COL22A1: variants seen among roughly 807,000 people sequenced by gnomAD.
COL22A1 encodes the protein collagen alpha-1(XXII) chain.
A neutral mutation model predicts 248.9 loss-of-function variants in COL22A1; 221 were observed. The observed-to-expected ratio is 0.89, with a 90% CI of 0.80 to 0.99. The LOEUF (loss-of-function observed/expected upper bound fraction) is 0.99, where lower values mean the gene tolerates loss of function less well. COL22A1 is among the 50% of genes least tolerant of loss of function. The pLI is 0.00. For synonymous variants in COL22A1, 891 were observed against 793.4 expected (o/e 1.12, Z -2.07); for missense variants, 2,240 against 2,179.0 (o/e 1.03, Z -0.56).
intron 56 of COL22A1, among the ~76,000 whole-genome samples, chr8:138,610,678 C>T (rs935629355): frequency 2.0e-5 from 3 of 152,186 alleles, no homozygotes; most frequent in East Asian, 1.9e-4. Context: ...TGCCCCACCC[C>T]GCATGTGGTA....
intron 52 of COL22A1, among the ~76,000 whole-genome samples, chr8:138,621,640 C>T (rs1007818557): frequency 2.0e-5 from 3 of 152,198 alleles, no homozygotes; most frequent in Non-Finnish European, 4.4e-5. Context: ...GTCCTAGATG[C>T]TTCATTTACC....
chr8:138,616,011 G>A lies in COL22A1; in HGVS notation c.3914C>T (p.Pro1305Leu). Residue 1305 changes from proline (P) to leucine (L), a missense_variant, in exon 55 of 65, where the codon CCA becomes CTA. Pro to Leu is a moderately conservative substitution (Grantham distance 98). Transcript: ENST00000303045. ...AMGLPGQEGLPGKDGDTGPTG... is the reference protein window; with the variant it reads ...AMGLPGQEGLLGKDGDTGPTG... The stretch of plus-strand genomic sequence containing the variant: ...CAGGACCCCACTTACATCTTTTCCT[G>A]GTAACCCTTCCTGACCAGGAAGCCC... 2 of 1,613,080 alleles carry A rather than the reference G, an allele frequency of 1.2e-6. No individual in the cohort carries two copies. The highest frequency in any genetic ancestry group is 2.2e-5 in the South Asian group (2 of 91,032).
At chr8:138,604,819 C>G in intron 58 of COL22A1, 50 bp from the exon 59 acceptor site, 1 of 1,436,044 alleles carries the variant, frequency 7.0e-7, no homozygotes, top group Non-Finnish European at 9.8e-7. Context: ...AGCCCAATGT[C>G]AGTACTAAGA....
At chr8:138,872,139 A>C (rs1823389913) in intron 3 of COL22A1, among the ~76,000 whole-genome samples, 1 of 152,226 alleles carries the variant, frequency 6.6e-6, no homozygotes, top group African/African-American at 2.4e-5. Context: ...GTGAACAATA[A>C]AATGGGAAAA....
At chr8:138,694,378 G>A (rs750236053) in intron 34 of COL22A1, 130 bp downstream of exon 34, 11 of 928,990 alleles carry the variant, frequency 1.2e-5, no homozygotes, top group African/African-American at 4.9e-5. Context: ...GCAGCACATT[G>A]GGGCTGCTCT....
At chr8:138,724,192 C>A (rs1007550348) in intron 25 of COL22A1, among the ~76,000 whole-genome samples, 2 of 152,194 alleles carry the variant, frequency 1.3e-5, no homozygotes, top group Admixed American at 1.3e-4. Context: ...CCCCAGGTCT[C>A]TCAGTTTGCA....
intron 30 of COL22A1, among the ~76,000 whole-genome samples, chr8:138,711,800 A>T (rs773631757): frequency 4.2e-4 from 64 of 152,276 alleles, no homozygotes; most frequent in Non-Finnish European, 3.8e-4. Flanking sequence ...CAGGAGGAGG[A>T]AGGATGCAAG....
chr8:138,633,995 G>A (rs192427550), intron 49 of COL22A1, among the ~76,000 whole-genome samples: 19 of 152,232 alleles, frequency 1.2e-4, no homozygotes, highest in African/African-American at 3.9e-4. Context: ...AGGCTTTCTG[G>A]GAAACTGAAT....
At position 138,606,608 on chromosome 8, in the gene COL22A1, C is replaced by T. The variant is rs536777872; in HGVS notation, c.4033-156G>A. Among the ~76,000 whole-genome samples the T allele has an allele frequency of 7.2e-5, 11 of 152,200 alleles. No individual in the cohort carries two copies. The South Asian group carries it at 1.5e-3, about 20-fold the overall frequency. On this transcript the variant is annotated intron_variant, in intron 57 of 64. Coordinates refer to ENST00000303045, the MANE Select transcript of COL22A1 (RefSeq NM_152888.3). ...GAGGGGCATGGGTTAGGAAAAGACACGGGGTCTTGGGACTCCTGGTAGTGC... is the reference window on the plus strand; with the variant it reads ...GAGGGGCATGGGTTAGGAAAAGACATGGGGTCTTGGGACTCCTGGTAGTGC...
intron 10 of COL22A1, among the ~76,000 whole-genome samples, chr8:138,807,495 C>A (rs1263561872): frequency 6.6e-6 from 1 of 152,160 alleles, no homozygotes; most frequent in Non-Finnish European, 1.5e-5. Flanking sequence ...GAGAGTTGAG[C>A]GTGTTGGAGC....
chr8:138,775,061 T>C (rs375432773), intron 16 of COL22A1, among the ~76,000 whole-genome samples: 1 of 152,248 alleles, frequency 6.6e-6, no homozygotes, highest in Admixed American at 6.5e-5. Context: ...TAAATTAAGG[T>C]TGAAGAACAA....
At chr8:138,614,548 G>A (rs1436730942) in intron 55 of COL22A1, among the ~76,000 whole-genome samples, 19 of 152,188 alleles carry the variant, frequency 1.2e-4, no homozygotes, top group Admixed American at 1.2e-3. Context: ...CCATCACCTG[G>A]CATCCCAGGG....
intron 16 of COL22A1, among the ~76,000 whole-genome samples, chr8:138,763,824 G>A (rs751188397): frequency 6.6e-5 from 10 of 151,918 alleles, no homozygotes; most frequent in Non-Finnish European, 1.3e-4. Context: ...GACTCTCTTC[G>A]GCTGCAGCAT....
At chr8:138,826,893 A>T (rs1390617295) in intron 5 of COL22A1, 112 bp from the exon 6 acceptor site, 26 of 1,307,614 alleles carry the variant, frequency 2.0e-5, no homozygotes, top group Non-Finnish European at 2.8e-5. Flanking sequence ...GACTTCCTAA[A>T]TATTTCCACC....
chr8:138,736,896 G>A (rs2131251984), intron 23 of COL22A1, among the ~76,000 whole-genome samples: 1 of 152,274 alleles, frequency 6.6e-6, no homozygotes, highest in Admixed American at 6.5e-5. Flanking sequence ...CAATGTCCCA[G>A]TGTTTTGGAG....
intron 21 of COL22A1, among the ~76,000 whole-genome samples, chr8:138,754,294 C>A (rs1269605448): frequency 6.6e-6 from 1 of 152,002 alleles, no homozygotes; most frequent in African/African-American, 2.4e-5. Context: ...GGAAACCGAA[C>A]CTGGAGAGGT....
At chr8:138,687,539 T>G (rs924750274) in intron 37 of COL22A1, among the ~76,000 whole-genome samples, 2 of 152,236 alleles carry the variant, frequency 1.3e-5, no homozygotes, top group African/African-American at 4.8e-5. Flanking sequence ...GGGACCTCTG[T>G]GGACAATCCA....
At chr8:138,718,092 C>A (rs1192127712) in intron 27 of COL22A1, among the ~76,000 whole-genome samples, 1 of 151,052 alleles carries the variant, frequency 6.6e-6, no homozygotes, top group East Asian at 1.9e-4. Flanking sequence ...TACCAAAGGC[C>A]AGAACTACCA....
At chr8:138,877,706 G>A (rs1206824199) in intron 3 of COL22A1, 44 bp downstream of exon 3, 3 of 1,513,846 alleles carry the variant, frequency 2.0e-6, no homozygotes, top group African/African-American at 1.4e-5. Context: ...TCAGCAGGGG[G>A]CGTCACTCTT....
Sources: allele counts gnomAD v4.1 joint callset (sites outside exome capture counted in the v4.1 genomes callset), GRCh38; gene constraint gnomAD v4.1.1; transcripts MANE v1.5; gene names NCBI Gene and HGNC (gene_info 2026-07-23, HGNC 2026-07-21).